The following BEND3 variants were observed in gnomAD, a reference collection of about 807,000 sequenced individuals.
BEND3 encodes BEN domain containing 3, also known as BEN domain-containing protein 3.
Under a neutral mutation model 60.1 loss-of-function variants are expected in BEND3, and 13 were observed. The ratio of observed to expected loss-of-function variants is 0.22; its 90% CI spans 0.14 to 0.34. The LOEUF (loss-of-function observed/expected upper bound fraction) is 0.34, where lower values mean the gene tolerates loss of function less well. Ranked by LOEUF, BEND3 falls within the 10% of genes least tolerant of loss-of-function variation. The pLI is 1.00. For synonymous variants in BEND3, 497 were observed against 491.5 expected, an observed-to-expected ratio of 1.01 and a Z score of -0.15; for missense variants, 896 against 1,138.1, an observed-to-expected ratio of 0.79 and a Z score of 3.06.
At chr6:107,079,450 C>T (rs1162630349) in intron 3 of BEND3, among the ~76,000 whole-genome samples, 2 of 152,174 alleles carry the variant, frequency 1.3e-5, no homozygotes, top group African/African-American at 2.4e-5. Context: ...TGCCTATAGA[C>T]AGGAGCAAAA....
At position 107,068,878 on chromosome 6, in the gene BEND3, T is replaced by G. The variant is rs1774889647; in HGVS notation, c.2313A>C (p.Gln771His). 6.2e-7 allele frequency: 1 copy of G among 1,613,382 alleles called. No individual in the cohort carries two copies. The highest frequency in any genetic ancestry group is 1.7e-5 in the Admixed American group (1 of 59,976). Reference protein sequence around the residue: ...YNHSGACNKKQLDPTRLRLIR... With the variant: ...YNHSGACNKKHLDPTRLRLIR... ...TGAGCCGCAGCCGCGTGGGGTCCAG[T>G]TGCTTCTTGTTGCAAGCCCCGGAAT... Residue 771 changes from glutamine (Q) to histidine (H), a missense_variant, in exon 4 of 4, where the codon CAA (glutamine) becomes CAC (histidine). Physicochemically the swap from Gln to His is conservative, Grantham distance 24. Transcript: ENST00000369042. The surrounding 1 kb of genome is among the most constrained non-coding windows in gnomAD (Gnocchi z 5.8).
Position 107,069,132 on chromosome 6 carries a change from GC to G in BEND3, c.2058del (p.Pro688HisfsTer145). 6.2e-7 allele frequency: 1 copy of G among 1,612,736 alleles called. No homozygotes were observed. The highest frequency in any genetic ancestry group is 8.5e-7 in the Non-Finnish European group (1 of 1,179,988). Reference sequence around the variant, plus strand: ...CTGCTCCTCTCGGGGGGCAGTGGGGGCCCCTCAAACTCCTCCCGGAACCTCT... The same window carrying G: ...CTGCTCCTCTCGGGGGGCAGTGGGGGCCCTCAAACTCCTCCCGGAACCTCT... ...NPERFREEFE[G>X]PPLPPERSSK... On this transcript the variant is annotated frameshift_variant, in exon 4 of 4. Coordinates refer to ENST00000369042, the MANE Select transcript of BEND3 (RefSeq NM_001367314.1). LOFTEE classifies it high-confidence loss of function.
At chr6:107,107,080 G>A (rs1312351157) in intron 1 of BEND3, among the ~76,000 whole-genome samples, 2 of 151,970 alleles carry the variant, frequency 1.3e-5, no homozygotes, top group African/African-American at 2.4e-5. Flanking sequence ...GGGATTACAG[G>A]CATGCACCAC....
rs1554236334 is a variant in BEND3, at chr6:107,098,601, C to T, written c.190G>A (p.Gly64Ser). The stretch of plus-strand genomic sequence containing the variant: ...ACGCCGGGGACAGAGTCTAGCAGGC[C>T]ATCGCTGACCAGCTGCTTTCGTTTG... ...SSKRKQLVSDGLLDSVPGVKR... is the reference protein window; with the variant it reads ...SSKRKQLVSDSLLDSVPGVKR... The change falls in exon 3 of 4, where the codon GGC becomes AGC. Residue 64 changes from glycine (G) to serine (S), a missense_variant. Transcript: ENST00000369042. 6.2e-7 allele frequency: 1 copy of T among 1,613,782 alleles called. No homozygotes were observed. The highest frequency in any genetic ancestry group is 1.1e-5 in the South Asian group (1 of 91,070).
At chr6:107,079,967 G>C (rs1554233297) in intron 3 of BEND3, among the ~76,000 whole-genome samples, 3 of 151,672 alleles carry the variant, frequency 2.0e-5, no homozygotes. Flanking sequence ...CTGAGCTCAA[G>C]TGATCCTCCC....
chr6:107,094,222 A>T (rs1775534715), intron 3 of BEND3, among the ~76,000 whole-genome samples: 1 of 152,162 alleles, frequency 6.6e-6, no homozygotes, highest in African/African-American at 2.4e-5. Context: ...ATAAAAATTA[A>T]AACGGGCCAA....
chr6:107,095,687 G>A (rs1435964906), intron 3 of BEND3, among the ~76,000 whole-genome samples: 2 of 152,092 alleles, frequency 1.3e-5, no homozygotes, highest in African/African-American at 2.4e-5. Context: ...TGGTACATCT[G>A]GGCAATAGAA....
Position 107,068,540 on chromosome 6 carries a change from G to C in BEND3, c.*164C>G, listed in dbSNP as rs1307005357. Reference sequence around the variant, plus strand: ...ACCAAACTCAAGGCTTCTTTCTTGCGGTTGGGTGGGTGTTTACGTGTGCAA... The same window carrying C: ...ACCAAACTCAAGGCTTCTTTCTTGCCGTTGGGTGGGTGTTTACGTGTGCAA... On this transcript the variant is annotated 3_prime_UTR_variant, in exon 4 of 4. Transcript: ENST00000369042. The surrounding 1 kb of genome is among the most constrained non-coding windows in gnomAD (Gnocchi z 5.8). 2.7e-6 allele frequency: 2 copies of C among 729,292 alleles called. No homozygotes were observed. Among genetic ancestry groups the C allele is most frequent in the Non-Finnish European group, 4.4e-6 (2 of 458,730 alleles). 45.2% of individuals were successfully genotyped at this position (729,292 alleles called of 1,614,324 possible).
chr6:107,079,633 C>A (rs563183442), intron 3 of BEND3, among the ~76,000 whole-genome samples: 3 of 152,142 alleles, frequency 2.0e-5, no homozygotes, highest in African/African-American at 7.2e-5. Context: ...GCATGCCCTG[C>A]AAGGGGACAA....
intron 3 of BEND3, among the ~76,000 whole-genome samples, chr6:107,081,214 T>A (rs1775224473): frequency 1.4e-5 from 2 of 141,542 alleles, no homozygotes; most frequent in African/African-American, 5.3e-5. Context: ...GGCCTCAATT[T>A]ACACAAACTT....
At chr6:107,100,063 G>A (rs1228616883) in intron 1 of BEND3, among the ~76,000 whole-genome samples, 2 of 151,886 alleles carry the variant, frequency 1.3e-5, no homozygotes, top group Non-Finnish European at 2.9e-5. Context: ...TTGTAGAGAT[G>A]CGGTTTCACT....
chr6:107,104,222 A>G lies in BEND3; in HGVS notation c.-11-4926T>C, dbSNP rs367544826. Reference sequence around the variant, plus strand: ...GGAGAATGGCATGAACCCAGGAGGCAGAGCCTGCAGTGAGCCGAGATCGCG... The same window carrying G: ...GGAGAATGGCATGAACCCAGGAGGCGGAGCCTGCAGTGAGCCGAGATCGCG... On this transcript the variant is annotated intron_variant, in intron 1 of 3. Coordinates refer to ENST00000369042, the MANE Select transcript of BEND3 (RefSeq NM_001367314.1). Among the ~76,000 whole-genome samples, 36 of 150,264 alleles carry G rather than the reference A, an allele frequency of 2.4e-4. No homozygotes were observed. The South Asian group carries it at 7.6e-3, about 32-fold the overall frequency.
chr6:107,065,475 G>A lies in BEND3; in HGVS notation c.*3229C>T, dbSNP rs368915426. ...AGAAAAACATTAAGGCTGGATCTAC[G>A]AGAGGCAAGTATTTCCCAACAGCAG... On this transcript the variant is annotated 3_prime_UTR_variant, in exon 4 of 4. Transcript: ENST00000369042. 1 of 152,384 alleles carries A rather than the reference G, an allele frequency of 6.6e-6. No homozygotes were observed. The highest frequency in any genetic ancestry group is 1.9e-4 in the East Asian group (1 of 5,186). 9.4% of individuals were successfully genotyped at this position (152,384 alleles called of 1,614,324 possible). A position where few individuals can be genotyped will look rare whatever the true frequency, so the allele number is the denominator to read the frequency against.
rs1774857291 is a variant in BEND3 at position 107,067,464 on chromosome 6, G to A, written c.*1240C>T. On this transcript the variant is annotated 3_prime_UTR_variant, in exon 4 of 4. Transcript: ENST00000369042. Reference sequence around the variant, plus strand: ...GCAGGAGCCTGACATTCCCAGTCGGGAGGGAACGAAGACATGTGCCCCCCA... The same window carrying A: ...GCAGGAGCCTGACATTCCCAGTCGGAAGGGAACGAAGACATGTGCCCCCCA... 1 of 152,278 alleles carries A rather than the reference G, an allele frequency of 6.6e-6. No homozygotes were observed. The highest frequency in any genetic ancestry group is 6.5e-5 in the Admixed American group (1 of 15,280). The allele number at this position is 152,278 out of a possible 1,614,324, so 9.4% of individuals were successfully genotyped here.
chr6:107,095,693 T>C (rs782346418), intron 3 of BEND3, among the ~76,000 whole-genome samples: 4 of 152,180 alleles, frequency 2.6e-5, no homozygotes, highest in African/African-American at 4.8e-5. Context: ...ATCTGGGCAA[T>C]AGAATATGAT....
At chr6:107,106,669 G>C (rs1436494105) in intron 1 of BEND3, among the ~76,000 whole-genome samples, 4 of 152,150 alleles carry the variant, frequency 2.6e-5, no homozygotes, top group Non-Finnish European at 5.9e-5. Flanking sequence ...GAGTGCAGCA[G>C]TATGATCAGA....
At position 107,099,304 on chromosome 6, in the gene BEND3, A is replaced by G; in HGVS notation, c.-11-8T>C. Reference sequence around the variant, plus strand: ...AGTTCATCTTCTATTCCGCTAAATAAAAAGACAAAGACAATGTGTTGACTT... The same window carrying G: ...AGTTCATCTTCTATTCCGCTAAATAGAAAGACAAAGACAATGTGTTGACTT... On this transcript the variant is annotated splice_region_variant and splice_polypyrimidine_tract_variant and intron_variant, in intron 1 of 3. Coordinates refer to ENST00000369042, the MANE Select transcript of BEND3 (RefSeq NM_001367314.1). 1 of 1,604,702 alleles carries G rather than the reference A, an allele frequency of 6.2e-7. No homozygotes were observed. Among genetic ancestry groups the G allele is most frequent in the Non-Finnish European group, 8.5e-7 (1 of 1,173,052 alleles).
At position 107,069,236 on chromosome 6, in the gene BEND3, C is replaced by T. The variant is rs1554231388; in HGVS notation, c.1955G>A (p.Arg652His). The change falls in exon 4 of 4, where the codon CGC (arginine) becomes CAC (histidine). Residue 652 changes from arginine to histidine, a missense_variant. Arg to His is a conservative substitution (Grantham distance 29, BLOSUM62 0). Transcript: ENST00000369042. ...RCRRRDTEQR[R>H]SYQQQRKVHV... ...GACCTTGCGCTGCTGCTGGTAGGAGCGCCTTTGCTCCGTGTCCCGGCGCCG... is the reference window on the plus strand; with the variant it reads ...GACCTTGCGCTGCTGCTGGTAGGAGTGCCTTTGCTCCGTGTCCCGGCGCCG... 7.4e-6 allele frequency: 12 copies of T among 1,611,464 alleles called. No individual in the cohort carries two copies. Among genetic ancestry groups the T allele is most frequent in the East Asian group, 2.2e-5 (1 of 44,866 alleles).
At chr6:107,111,636 G>A (rs1770093600) in intron 1 of BEND3, among the ~76,000 whole-genome samples, 2 of 152,160 alleles carry the variant, frequency 1.3e-5, no homozygotes, top group South Asian at 2.1e-4. Context: ...CTTAGCCAAT[G>A]ATGGGAACAA....
Sources: allele counts gnomAD v4.1 joint callset (sites outside exome capture counted in the v4.1 genomes callset), GRCh38; gene constraint gnomAD v4.1.1; non-coding constraint Gnocchi (gnomAD v3.1); transcripts MANE v1.5; gene names NCBI Gene and HGNC (gene_info 2026-07-23, HGNC 2026-07-21).